MEF2C: variants seen among roughly 807,000 people sequenced by gnomAD.
The protein encoded by MEF2C is myocyte-specific enhancer factor 2C.
Under a neutral mutation model 50.5 loss-of-function variants are expected in MEF2C, and 6 were observed. The ratio of observed to expected loss-of-function variants is 0.12; its 90% CI spans 0.07 to 0.23. The LOEUF is 0.23. Ranked by LOEUF, MEF2C falls within the 10% of genes least tolerant of loss-of-function variation. MEF2C has a pLI of 1.00. For missense variants in MEF2C, 276 were observed against 605.0 expected (o/e 0.46, Z 5.70); for synonymous variants, 183 against 228.0 (o/e 0.80, Z 1.78).
At chr5:88,851,522 T>C (rs1030734046) in intron 1 of MEF2C, among the ~76,000 whole-genome samples, 3 of 152,164 alleles carry the variant, frequency 2.0e-5, no homozygotes, top group African/African-American at 4.8e-5. Context: ...TTGATGTCAA[T>C]CAACCTGTAC....
chr5:88,869,869 G>A (rs1202065920), intron 1 of MEF2C, among the ~76,000 whole-genome samples: 4 of 150,078 alleles, frequency 2.7e-5, no homozygotes, highest in Admixed American at 6.7e-5. Flanking sequence ...GGTGTATCAC[G>A]CGTCTCTATA....
chr5:88,880,607 TAGAA>T (rs1204537614), intron 1 of MEF2C, among the ~76,000 whole-genome samples: 2 of 152,172 alleles, frequency 1.3e-5, no homozygotes, highest in African/African-American at 4.8e-5. Flanking sequence ...AAGTATTTAT[TAGAA>T]AGATACGTTT....
intron 1 of MEF2C, among the ~76,000 whole-genome samples, chr5:88,892,597 T>TA (rs2150245188): frequency 6.6e-6 from 1 of 152,346 alleles, no homozygotes; most frequent in Non-Finnish European, 1.5e-5. Context: ...TAAAATGTTT[T>TA]AAAATACCAT....
upstream of MEF2C, chr5:88,884,587 C>A (rs3814428): frequency 0.016 from 2,389 of 151,694 alleles, 27 homozygotes; most frequent in Admixed American, 0.03. Context: ...TCCCCCCCTC[C>A]CCCCACTCTA....
intron 4 of MEF2C, chr5:88,752,608 T>C (rs942485782): frequency 6.7e-5 from 66 of 984,742 alleles, no homozygotes; most frequent in Non-Finnish European, 8.0e-5. Flanking sequence ...CAACAGAGCA[T>C]GTATCATTCA....
chr5:88,739,989 T>G, intron 6 of MEF2C: 1 of 985,292 alleles, frequency 1.0e-6, no homozygotes, highest in Non-Finnish European at 1.2e-6. Flanking sequence ...TGTTAAACTA[T>G]GAAGAAACTT....
chr5:88,801,184 C>A (rs1033549732), intron 3 of MEF2C, among the ~76,000 whole-genome samples: 1 of 152,122 alleles, frequency 6.6e-6, no homozygotes, highest in Non-Finnish European at 1.5e-5. Context: ...TGTGAGTAAA[C>A]TGTTTTTAGA....
Position 88,749,121 on chromosome 5 carries a change from TG to T in MEF2C, c.590-5del. ...AGGTCTCCACCCATCAGACCACCTA[TG>T]GATTAAAGAGGAAGATCAAAACGAG... On this transcript the variant is annotated splice_region_variant and splice_polypyrimidine_tract_variant and intron_variant, in intron 5 of 10. Transcript: ENST00000504921. The T allele has an allele frequency of 6.4e-7, 1 of 1,565,782 alleles. No individual in the cohort carries two copies. Among genetic ancestry groups the T allele is most frequent in the Non-Finnish European group, 8.7e-7 (1 of 1,155,740 alleles).
At chr5:88,877,209 T>A (rs552133810) in intron 1 of MEF2C, among the ~76,000 whole-genome samples, 12 of 152,058 alleles carry the variant, frequency 7.9e-5, no homozygotes, top group Non-Finnish European at 1.8e-4. Flanking sequence ...GCTTGTAATG[T>A]CGTCAATTTC....
intron 3 of MEF2C, among the ~76,000 whole-genome samples, chr5:88,776,519 C>T (rs549828214): frequency 4.3e-4 from 65 of 152,298 alleles, no homozygotes; most frequent in Middle Eastern, 3.4e-3. Context: ...CCTCTGGTAA[C>T]CTCAACCCCT....
At chr5:88,846,137 A>G (rs1015365113) in intron 1 of MEF2C, among the ~76,000 whole-genome samples, 52 of 149,044 alleles carry the variant, frequency 3.5e-4, no homozygotes, top group Admixed American at 8.1e-4. Context: ...GCGCAATCTC[A>G]GCCCACTGCA....
chr5:88,799,351 A>G (rs1797326489), intron 3 of MEF2C, among the ~76,000 whole-genome samples: 1 of 152,196 alleles, frequency 6.6e-6, no homozygotes, highest in African/African-American at 2.4e-5. Context: ...CCCAGAGAGG[A>G]GGAATCTAGA....
At chr5:88,824,183 A>T in intron 1 of MEF2C, 2 of 954,378 alleles carry the variant, frequency 2.1e-6, no homozygotes, top group East Asian at 1.1e-4. Context: ...ATGCTTTTTT[A>T]AAGACTAACA....
chr5:88,769,957 T>A, intron 3 of MEF2C: 1 of 985,176 alleles, frequency 1.0e-6, no homozygotes, highest in South Asian at 4.7e-5. Context: ...ATCCTAATAA[T>A]CTTTATAATG....
chr5:88,793,054 G>A (rs999734152), intron 3 of MEF2C, among the ~76,000 whole-genome samples: 1 of 152,076 alleles, frequency 6.6e-6, no homozygotes, highest in East Asian at 1.9e-4. Flanking sequence ...TGCCCTTTGG[G>A]AGTTTAGAAT....
Position 88,867,902 on chromosome 5 carries a change from T to C in MEF2C, c.-143+15053A>G, listed in dbSNP as rs183898887. Among the ~76,000 whole-genome samples the C allele has an allele frequency of 5.3e-5, 8 of 152,320 alleles. No individual in the cohort carries two copies. In the East Asian group the frequency reaches 1.5e-3, roughly 29 times the overall value. On this transcript the variant is annotated intron_variant, in intron 1 of 10. Transcript: ENST00000504921. Reference sequence around the variant, plus strand: ...GTGGAGAGCCTTCTGGTCACTGCAGTCCAACCTATCATTACGCGTGCAGCG... The same window carrying C: ...GTGGAGAGCCTTCTGGTCACTGCAGCCCAACCTATCATTACGCGTGCAGCG...
intron 1 of MEF2C, among the ~76,000 whole-genome samples, chr5:88,834,975 T>C (rs1409819912): frequency 1.3e-5 from 2 of 152,218 alleles, no homozygotes; most frequent in African/African-American, 2.4e-5. Flanking sequence ...TTTATAAAAA[T>C]TGTAAATACT....
chr5:88,825,746 G>A (rs894264132), intron 1 of MEF2C: 1 of 456,208 alleles, frequency 2.2e-6, no homozygotes, highest in Non-Finnish European at 2.9e-6. Context: ...TGTTAGAATG[G>A]TATTTCCCAT....
At chr5:88,801,741 C>G (rs937573304) in intron 3 of MEF2C, among the ~76,000 whole-genome samples, 17 of 152,240 alleles carry the variant, frequency 1.1e-4, no homozygotes, top group African/African-American at 3.9e-4. Context: ...CTGCCTTGGC[C>G]TCCCAAAGTA....
Sources: allele counts gnomAD v4.1 joint callset (sites outside exome capture counted in the v4.1 genomes callset), GRCh38; gene constraint gnomAD v4.1.1; transcripts MANE v1.5; gene names NCBI Gene and HGNC (gene_info 2026-07-23, HGNC 2026-07-21).